Variants in TENM3 observed in about 807,000 individuals in gnomAD.
TENM3 encodes the protein teneurin transmembrane protein 3, also known as teneurin-3.
A neutral mutation model predicts 255.1 loss-of-function variants in TENM3; 63 were observed. That is an observed-to-expected ratio of 0.25 (90% CI 0.20 to 0.30). The LOEUF is 0.30. TENM3 is among the 10% of genes least tolerant of loss of function. The probability of loss-of-function intolerance (pLI) is 1.00; values close to 1 mark genes in which losing one functional copy is unlikely to be tolerated. For synonymous variants in TENM3, 1,306 were observed against 1,322.3 expected (o/e 0.99, Z 0.27); for missense variants, 2,929 against 3,461.1 (o/e 0.85, Z 3.86).
At chr4:182,626,116 A>G (rs990427563) in intron 4 of TENM3, among the ~76,000 whole-genome samples, 13 of 152,250 alleles carry the variant, frequency 8.5e-5, no homozygotes, top group South Asian at 4.1e-4. Flanking sequence ...CTTTCACGAT[A>G]GAACAGCAGA....
chr4:182,751,990 G>A lies in TENM3; in HGVS notation c.3820G>A (p.Asp1274Asn). ...TCCGTTTGACGAGGCGAGATGTGGG[G>A]ATGGAGGGAAGGCCGTGGAAGCCAC... is the stretch of plus-strand genomic sequence containing the variant. ...CLPFDEARCG[D>N]GGKAVEATLM... Residue 1274 changes from aspartate (D) to asparagine (N), a missense_variant, in exon 20 of 28, where the codon GAT (aspartate) becomes AAT (asparagine). Coordinates refer to ENST00000511685, the MANE Select transcript of TENM3 (RefSeq NM_001080477.4). The A allele has an allele frequency of 6.2e-7, 1 of 1,613,238 alleles. No homozygotes were observed. The highest frequency in any genetic ancestry group is 8.5e-7 in the Non-Finnish European group (1 of 1,179,614).
chr4:181,513,818 T>C, the TENM3 span, among the ~76,000 whole-genome samples: 1 of 152,188 alleles, frequency 6.6e-6, no homozygotes, highest in East Asian at 1.9e-4. Context: ...TCATACCGTT[T>C]AAACACATCC....
the TENM3 span, among the ~76,000 whole-genome samples, chr4:181,927,152 G>A: frequency 5.9e-5 from 9 of 152,170 alleles, no homozygotes; most frequent in Non-Finnish European, 1.3e-4. Context: ...TGGAATGCAA[G>A]CGAGACGGAA....
At chr4:182,773,027 A>AAAT (rs556211211) in intron 22 of TENM3, among the ~76,000 whole-genome samples, 7 of 152,376 alleles carry the variant, frequency 4.6e-5, no homozygotes, top group African/African-American at 1.4e-4. Flanking sequence ...TTACATATGC[A>AAAT]AATACATACA....
chr4:182,253,395 C>T (rs1296830714), intron 1 of TENM3, among the ~76,000 whole-genome samples: 1 of 152,160 alleles, frequency 6.6e-6, no homozygotes, highest in Admixed American at 6.5e-5. Flanking sequence ...ATCACTTGCA[C>T]CCAGGAGGCA....
chr4:181,851,645 C>T, the TENM3 span, among the ~76,000 whole-genome samples: 3 of 152,078 alleles, frequency 2.0e-5, no homozygotes, highest in Admixed American at 6.5e-5. Context: ...CATGCACACA[C>T]GCACACACAC....
At chr4:181,952,056 A>G in the TENM3 span, among the ~76,000 whole-genome samples, 1 of 152,356 alleles carries the variant, frequency 6.6e-6, no homozygotes, top group African/African-American at 2.4e-5. Context: ...TTTTTAAAGA[A>G]CTGTGGTTTA....
the TENM3 span, among the ~76,000 whole-genome samples, chr4:181,752,966 AGT>A: frequency 6.6e-6 from 1 of 152,188 alleles, no homozygotes; most frequent in Non-Finnish European, 1.5e-5. Context: ...ATAGAGATTT[AGT>A]GTTCATAGCT....
At chr4:181,583,567 T>G in the TENM3 span, among the ~76,000 whole-genome samples, 1 of 152,170 alleles carries the variant, frequency 6.6e-6, no homozygotes, top group African/African-American at 2.4e-5. Flanking sequence ...CGTGGGGGCG[T>G]GCCACCTCCT....
intron 3 of TENM3, among the ~76,000 whole-genome samples, chr4:182,545,292 G>C (rs941955070): frequency 6.6e-6 from 1 of 152,066 alleles, no homozygotes; most frequent in Non-Finnish European, 1.5e-5. Flanking sequence ...ATTAATAGAT[G>C]TATATTTTTG....
the TENM3 span, among the ~76,000 whole-genome samples, chr4:182,066,724 C>T: frequency 6.6e-6 from 1 of 151,706 alleles, no homozygotes; most frequent in Non-Finnish European, 1.5e-5. Context: ...TCCTGGCTAA[C>T]ACCATGAAAC....
At chr4:182,241,577 G>A (rs944292662), upstream of TENM3, among the ~76,000 whole-genome samples, 1 of 129,058 alleles carries the variant, frequency 7.7e-6, no homozygotes, top group Non-Finnish European at 1.5e-5. Context: ...GCTATGCTGC[G>A]ATCTTGGCTC....
the TENM3 span, among the ~76,000 whole-genome samples, chr4:181,530,624 C>T: frequency 6.6e-6 from 1 of 152,132 alleles, no homozygotes; most frequent in Non-Finnish European, 1.5e-5. Flanking sequence ...TTTAAGGGGA[C>T]CCTCAGTGCA....
chr4:182,479,747 A>G (rs1199619985), intron 3 of TENM3, among the ~76,000 whole-genome samples: 2 of 152,022 alleles, frequency 1.3e-5, no homozygotes, highest in Non-Finnish European at 2.9e-5. Flanking sequence ...TCTATGGAGA[A>G]TTCTACGTAA....
the TENM3 span, among the ~76,000 whole-genome samples, chr4:181,810,399 A>G: frequency 6.6e-6 from 1 of 152,022 alleles, no homozygotes; most frequent in Non-Finnish European, 1.5e-5. Context: ...TAATGAACGA[A>G]TCTGAGTCCC....
intron 1 of TENM3, among the ~76,000 whole-genome samples, chr4:182,314,922 C>T (rs368716413): frequency 7.6e-4 from 115 of 152,246 alleles, no homozygotes; most frequent in Non-Finnish European, 1.0e-3. Context: ...TTTCCCCTTT[C>T]GTGACTGTTA....
At chr4:182,289,305 A>G (rs1299749971) in intron 1 of TENM3, among the ~76,000 whole-genome samples, 39 of 152,224 alleles carry the variant, frequency 2.6e-4, no homozygotes, top group Admixed American at 2.6e-3. Flanking sequence ...ACATTTGTCC[A>G]GTTTAGATAA....
chr4:182,737,411 T>G (rs1761251615), intron 17 of TENM3, among the ~76,000 whole-genome samples: 1 of 152,206 alleles, frequency 6.6e-6, no homozygotes, highest in Non-Finnish European at 1.5e-5. Flanking sequence ...CTTTATAACT[T>G]TACCTCCCTG....
chr4:182,590,781 G>A (rs138233770), intron 3 of TENM3, among the ~76,000 whole-genome samples: 39 of 151,280 alleles, frequency 2.6e-4, no homozygotes, highest in Non-Finnish European at 4.1e-4. Context: ...CCTCAGAGGC[G>A]GAGGTTGCAG....
Sources: gnomAD v4.1 joint callset for allele counts (sites outside exome capture counted in the v4.1 genomes callset) on GRCh38, gnomAD v4.1.1 for gene constraint, MANE v1.5 for transcripts, NCBI Gene and HGNC (gene_info 2026-07-23, HGNC 2026-07-21) for gene names.